The following RPUSD3 variants were observed in gnomAD, a reference collection of about 807,000 sequenced individuals.
The protein encoded by RPUSD3 is RNA pseudouridine synthase D3.
In RPUSD3, 36 loss-of-function variants were observed where a neutral mutation model predicts 35.1. The ratio of observed to expected loss-of-function variants is 1.02; its 90% CI spans 0.79 to 1.35. The LOEUF (loss-of-function observed/expected upper bound fraction) is 1.35. Ranked by LOEUF, RPUSD3 falls within the 40% of genes most tolerant of loss-of-function variation. The probability of loss-of-function intolerance (pLI) is 0.00; values close to 1 mark genes in which losing one functional copy is unlikely to be tolerated. For synonymous variants in RPUSD3, 202 were observed against 187.8 expected, an observed-to-expected ratio of 1.08 and a Z score of -0.62; for missense variants, 486 against 441.9, an observed-to-expected ratio of 1.10 and a Z score of -0.89.
intron 6 of RPUSD3, 56 bp downstream of exon 6, chr3:9,840,476 C>G (rs751643045): frequency 6.3e-7 from 1 of 1,590,772 alleles, no homozygotes; most frequent in East Asian, 2.2e-5. Context: ...CCTGACTCCT[C>G]TCTGTAGGGG....
chr3:9,843,847 G>C lies in RPUSD3; in HGVS notation c.125+43C>G, dbSNP rs369908383. ...CAGATCCCGCACGTGCCTTCCCCCT[G>C]CCCTAGCCTCCGTCCCGCATGAGAG... is the stretch of plus-strand genomic sequence containing the variant. On this transcript the variant is annotated intron_variant, in intron 1 of 8. Transcript: ENST00000383820. 5.7e-6 allele frequency: 9 copies of C among 1,570,980 alleles called. No individual in the cohort carries two copies. The African/African-American group carries it at 1.2e-4, about 21-fold the overall frequency.
intron 2 of RPUSD3, 110 bp downstream of exon 2, chr3:9,843,355 C>T: frequency 6.7e-7 from 1 of 1,498,402 alleles, no homozygotes; most frequent in Non-Finnish European, 9.1e-7. Context: ...GCTCATGCTG[C>T]TAGTGGGAGG....
At chr3:9,838,879 C>T in intron 8 of RPUSD3, 153 bp downstream of exon 8, 1 of 944,428 alleles carries the variant, frequency 1.1e-6, no homozygotes. Flanking sequence ...TGCCCAAGGC[C>T]ACACACCAAG....
rs141610793 is a variant in RPUSD3 at position 9,843,952 on chromosome 3, G to A, written c.63C>T (p.Gly21=). 949 of 1,609,032 alleles carry A rather than the reference G, an allele frequency of 5.9e-4. 7 individuals carry two copies. The East Asian group carries it at 0.014, about 24-fold the overall frequency. The stretch of plus-strand genomic sequence containing the variant: ...GGCGGACACCCAGGCCCCGCCGCCA[G>A]CCACTCCAGAACCGGCCCAAAACAC... The change falls in exon 1 of 9, where the codon GGC becomes GGT. Residue 21 remains glycine (G), a synonymous_variant. Transcript: ENST00000383820.
Position 9,838,212 on chromosome 3 carries a change from A to T in RPUSD3, c.865-5T>A, listed in dbSNP as rs766069693. 1 of 1,611,798 alleles carries T rather than the reference A, an allele frequency of 6.2e-7. No homozygotes were observed. The highest frequency in any genetic ancestry group is 8.5e-7 in the Non-Finnish European group (1 of 1,179,750). On this transcript the variant is annotated splice_polypyrimidine_tract_variant and splice_region_variant and intron_variant, in intron 8 of 8. Coordinates refer to ENST00000383820, the Ensembl canonical transcript of RPUSD3. The stretch of plus-strand genomic sequence containing the variant: ...GAGGAGGGCTTCATCCAGGACCTGG[A>T]GCGGGAGAGGTACGTTGTGTTCAGC...
intron 7 of RPUSD3, chr3:9,839,582 GT>G (rs146337360): frequency 1.7e-3 from 243 of 144,640 alleles, no homozygotes; most frequent in South Asian, 9.6e-3. Context: ...GCCAAGTGCA[GT>G]TTTTTTTTTT....
Position 9,843,181 on chromosome 3 carries a change from C to G in RPUSD3, c.262+284G>C, listed in dbSNP as rs112208999. On this transcript the variant is annotated intron_variant, in intron 2 of 8. Transcript: ENST00000383820. ...TGCCGGGATTACAGGCGTGAGCCAC[C>G]GCGGCCAATAAACAATAATCTAGTA... 956 of 432,716 alleles carry G rather than the reference C, an allele frequency of 2.2e-3. 12 individuals carry two copies. Among genetic ancestry groups the G allele is most frequent in the African/African-American group, 0.017 (885 of 50,862 alleles). The allele number at this position is 432,716 out of a possible 1,614,324, so 26.8% of individuals were successfully genotyped here.
Position 9,839,188 on chromosome 3 carries a change from C to A in RPUSD3, c.725-17G>T. ...TGGAGAACACTGGGCAACAGGAAAG[C>A]CAGGAGAGACAGTGGGCAGCTACTC... On this transcript the variant is annotated splice_polypyrimidine_tract_variant and intron_variant, in intron 7 of 8. Coordinates refer to ENST00000383820, the Ensembl canonical transcript of RPUSD3. 1 of 1,597,512 alleles carries A rather than the reference C, an allele frequency of 6.3e-7. No homozygotes were observed. The highest frequency in any genetic ancestry group is 1.1e-5 in the South Asian group (1 of 90,234).
At chr3:9,840,710 G>A in exon 5 of RPUSD3, 4 of 1,614,144 alleles carry the variant, frequency 2.5e-6, no homozygotes, top group South Asian at 2.2e-5. Context: ...GTAGGTGGCT[G>A]TGGGCCTTTG....
chr3:9,843,054 G>T (rs918367465), intron 2 of RPUSD3: 3 of 174,054 alleles, frequency 1.7e-5, no homozygotes, highest in Non-Finnish European at 3.7e-5. Flanking sequence ...GCCACACCTG[G>T]CTAATTTTTG....
intron 6 of RPUSD3, 73 bp from the exon 7 acceptor site, chr3:9,840,380 A>G (rs559383763): frequency 8.9e-5 from 144 of 1,612,810 alleles, no homozygotes; most frequent in Middle Eastern, 6.6e-4. Context: ...CCTGCTCCCA[A>G]TAGACTCCGG....
exon 7 of RPUSD3, chr3:9,840,210 G>A: frequency 1.2e-6 from 2 of 1,613,798 alleles, no homozygotes; most frequent in Non-Finnish European, 1.7e-6. Flanking sequence ...CTGGACCAGG[G>A]CACAGCCAGA....
rs2082142335 is a variant in RPUSD3, at chr3:9,843,918, CG to C, written c.96del (p.Glu33ArgfsTer58). ...GCTTCGGTGCCAAAGCCTGCGTCCTCGGGCACTGGGCGGACACCCAGGCCCC... is the reference window on the plus strand; with the variant it reads ...GCTTCGGTGCCAAAGCCTGCGTCCTCGGCACTGGGCGGACACCCAGGCCCC... On this transcript the variant is annotated frameshift_variant, in exon 1 of 9. Transcript: ENST00000383820. LOFTEE classifies it high-confidence loss of function. 6.2e-7 allele frequency: 1 copy of C among 1,605,400 alleles called. No individual in the cohort carries two copies. The highest frequency in any genetic ancestry group is 8.5e-7 in the Non-Finnish European group (1 of 1,177,142).
chr3:9,840,908 C>T (rs1234087280), intron 4 of RPUSD3, 103 bp from the exon 5 acceptor site: 3 of 744,672 alleles, frequency 4.0e-6, no homozygotes, highest in East Asian at 5.4e-5. Context: ...AACACTAACA[C>T]CAGGACTATA....
exon 9 of RPUSD3, chr3:9,837,886 TAA>T (rs2125020957): frequency 1.1e-6 from 1 of 948,044 alleles, no homozygotes; most frequent in African/African-American, 1.7e-5. Flanking sequence ...TCCAGAGAGG[TAA>T]AGTTACTTGC....
At chr3:9,838,942 C>T (rs747764579) in intron 8 of RPUSD3, 90 bp downstream of exon 8, 1 of 1,584,660 alleles carries the variant, frequency 6.3e-7, no homozygotes, top group South Asian at 1.1e-5. Flanking sequence ...CCCAGTAGTC[C>T]CAAGCTGCAC....
chr3:9,837,983 G>A, exon 9 of RPUSD3: 2 of 1,519,382 alleles, frequency 1.3e-6, no homozygotes, highest in South Asian at 1.2e-5. Flanking sequence ...TCACTTTCCA[G>A]TGTGTGTGAG....
chr3:9,843,989 A>G (rs1277412187), exon 1 of RPUSD3: 10 of 1,597,198 alleles, frequency 6.3e-6, no homozygotes, highest in East Asian at 2.3e-5. Flanking sequence ...GCGGCCGTCC[A>G]TCTCCCGAGC....
chr3:9,839,229 G>A, intron 7 of RPUSD3, 58 bp from the exon 8 acceptor site: 1 of 1,561,316 alleles, frequency 6.4e-7, no homozygotes, highest in Non-Finnish European at 8.7e-7. Flanking sequence ...GTGCCACCCA[G>A]TATCACTCCT....
Sources: allele counts gnomAD v4.1 joint callset, GRCh38; gene constraint gnomAD v4.1.1; transcripts MANE v1.5; gene names NCBI Gene and HGNC (gene_info 2026-07-23, HGNC 2026-07-21).